Variants in PAQR3 observed in about 807,000 individuals in gnomAD.
The protein encoded by PAQR3 is Raf kinase trapping to Golgi.
PAQR3 carries 39 observed loss-of-function variants against 41.7 expected under a neutral mutation model. The ratio of observed to expected loss-of-function variants is 0.93; its 90% CI spans 0.72 to 1.22. PAQR3 has a LOEUF of 1.22. PAQR3 is among the 50% of genes most tolerant of loss of function. PAQR3 has a pLI of 0.00. For synonymous variants in PAQR3, 140 were observed against 140.6 expected, an observed-to-expected ratio of 1.00 and a Z score of 0.03; for missense variants, 366 against 385.6, an observed-to-expected ratio of 0.95 and a Z score of 0.42.
At chr4:78,938,417 C>T (rs1156850707) in intron 1 of PAQR3, among the ~76,000 whole-genome samples, 2 of 151,918 alleles carry the variant, frequency 1.3e-5, no homozygotes, top group Non-Finnish European at 2.9e-5. Flanking sequence ...GACTGGGTGC[C>T]CGTTATGAGC....
At chr4:78,891,067 A>G (rs191129240) in intron 11 of PAQR3, among the ~76,000 whole-genome samples, 265 of 152,270 alleles carry the variant, frequency 1.7e-3, no homozygotes, top group Admixed American at 3.3e-3. Context: ...TTTGCTGCCT[A>G]AAAGTTTGTA....
intron 1 of PAQR3, among the ~76,000 whole-genome samples, chr4:78,936,413 GA>G (rs1317901096): frequency 6.6e-6 from 1 of 152,118 alleles, no homozygotes; most frequent in African/African-American, 2.4e-5. Context: ...ACAAGAAATG[GA>G]ATTTCCTATT....
rs527826946 is a variant in PAQR3, at chr4:78,935,176, G to A, written c.293C>T (p.Ala98Val). 5.6e-6 allele frequency: 9 copies of A among 1,613,870 alleles called. No homozygotes were observed. The highest frequency in any genetic ancestry group is 1.3e-5 in the African/African-American group (1 of 75,036). The change falls in exon 2 of 6, where the codon GCA (alanine) becomes GTA (valine). Residue 98 changes from alanine (A) to valine (V), a missense_variant. Coordinates refer to ENST00000512733, the MANE Select transcript of PAQR3 (RefSeq NM_001040202.2). ...TACAAAATCTTCTCTGGACGCACTTGCTGAAGGTAACACAGATGTCATGTC... is the reference window on the plus strand; with the variant it reads ...TACAAAATCTTCTCTGGACGCACTTACTGAAGGTAACACAGATGTCATGTC... ...IYDMTSVLPS[A>V]SASREDFVIC...
At chr4:78,911,658 C>T (rs1385816736), downstream of PAQR3, 2 of 1,613,784 alleles carry the variant, frequency 1.2e-6, no homozygotes, top group Non-Finnish European at 1.7e-6. Flanking sequence ...AATTTTTAAC[C>T]ATCTCAGACT....
intron 11 of PAQR3, among the ~76,000 whole-genome samples, chr4:78,893,693 G>T (rs1321311121): frequency 6.6e-6 from 1 of 152,178 alleles, no homozygotes; most frequent in African/African-American, 2.4e-5. Context: ...ATCCCATGTA[G>T]CTGGGACTAT....
chr4:78,897,756 A>G (rs1002937436), intron 11 of PAQR3, among the ~76,000 whole-genome samples: 2 of 152,122 alleles, frequency 1.3e-5, no homozygotes, highest in African/African-American at 4.8e-5. Flanking sequence ...CCCAGCCGTG[A>G]TTAATATGGG....
At chr4:78,927,251 G>T (rs1736336894) in intron 3 of PAQR3, among the ~76,000 whole-genome samples, 1 of 152,168 alleles carries the variant, frequency 6.6e-6, no homozygotes. Flanking sequence ...GCAGCAGGAA[G>T]TTTTGAGAAA....
chr4:78,931,185 T>A (rs1578031308), intron 2 of PAQR3, among the ~76,000 whole-genome samples: 1 of 115,038 alleles, frequency 8.7e-6, no homozygotes, highest in Non-Finnish European at 1.7e-5. Context: ...CCTCATTTCT[T>A]AAAAAAAAAA....
At position 78,913,831 on chromosome 4, in the gene PAQR3, T is replaced by A. The variant is rs1167039214; in HGVS notation, c.*6708A>T. 6.6e-6 allele frequency: 1 copy of A among 152,032 alleles called. No homozygotes were observed. The highest frequency in any genetic ancestry group is 1.5e-5 in the Non-Finnish European group (1 of 67,962). The allele number at this position is 152,032 out of a possible 1,614,324, so 9.4% of individuals were successfully genotyped here. The stretch of plus-strand genomic sequence containing the variant: ...CAATGTAGCAGAGGCAGACCAAGCA[T>A]TACATTATTATTTAGAGCTGGACTG... On this transcript the variant is annotated 3_prime_UTR_variant, in exon 6 of 6. Coordinates refer to ENST00000512733, the MANE Select transcript of PAQR3 (RefSeq NM_001040202.2).
exon 13 of PAQR3, chr4:78,887,300 A>G (rs1446199089): frequency 6.5e-7 from 1 of 1,533,772 alleles, no homozygotes; most frequent in Admixed American, 1.8e-5. Flanking sequence ...TTACACATGT[A>G]ACATCATCAC....
chr4:78,891,624 T>G (rs1037591550), intron 11 of PAQR3, among the ~76,000 whole-genome samples: 4 of 152,232 alleles, frequency 2.6e-5, no homozygotes, highest in African/African-American at 4.8e-5. Flanking sequence ...TTACAGACAT[T>G]ATTTCTGATT....
chr4:78,894,896 A>G (rs1733625075), intron 11 of PAQR3, among the ~76,000 whole-genome samples: 1 of 152,146 alleles, frequency 6.6e-6, no homozygotes, highest in South Asian at 2.1e-4. Context: ...CCTAATTTCA[A>G]TATTGTTGTG....
chr4:78,935,028 A>G (rs1737279795), intron 2 of PAQR3, 93 bp downstream of exon 2: 2 of 1,204,396 alleles, frequency 1.7e-6, no homozygotes, highest in Admixed American at 4.4e-5. Context: ...GGGCTCTTTA[A>G]AGCAAGTGGT....
rs751184246 is a variant in PAQR3 at position 78,912,070 on chromosome 4, C to CA, written c.*8468dup. 6 of 1,521,144 alleles carry CA rather than the reference C, an allele frequency of 3.9e-6. 1 individual carries two copies. The highest frequency in any genetic ancestry group is 4.1e-5 in the Admixed American group (2 of 48,566). 94.2% of individuals were successfully genotyped at this position (1,521,144 alleles called of 1,614,324 possible). ...GGATTCTCGGCATTAACTCCTGTTT[C>CA]AAAAAAGTGTGAACAGTTTTATGAA... On this transcript the variant is annotated 3_prime_UTR_variant, in exon 6 of 6. Transcript: ENST00000512733.
intron 2 of PAQR3, chr4:78,933,254 C>A (rs758176102): frequency 3.6e-4 from 162 of 456,058 alleles, no homozygotes; most frequent in Non-Finnish European, 6.1e-4. Flanking sequence ...AGGACACATT[C>A]AACAAATATT....
intron 5 of PAQR3, chr4:78,921,891 G>A: frequency 2.0e-6 from 2 of 985,016 alleles, no homozygotes; most frequent in Non-Finnish European, 2.4e-6. Flanking sequence ...AATATGCTCT[G>A]CTACATAGGG....
intron 1 of PAQR3, 133 bp downstream of exon 1, chr4:78,938,907 A>G (rs1177623861): frequency 6.0e-6 from 5 of 828,854 alleles, no homozygotes; most frequent in Non-Finnish European, 9.3e-6. Flanking sequence ...GAGGCGGCAA[A>G]AAGGGATGAA....
intron 11 of PAQR3, among the ~76,000 whole-genome samples, chr4:78,903,631 A>C (rs1249233524): frequency 6.6e-6 from 1 of 151,934 alleles, no homozygotes; most frequent in Non-Finnish European, 1.5e-5. Context: ...TGTAAAGTTG[A>C]GTATTCTTTT....
intron 5 of PAQR3, among the ~76,000 whole-genome samples, chr4:78,923,326 A>G (rs1578013588): frequency 6.6e-6 from 1 of 151,322 alleles, no homozygotes; most frequent in East Asian, 1.9e-4. Context: ...ACTTCTTTTC[A>G]CTATCTTTTT....
Sources: allele counts gnomAD v4.1 joint callset (sites outside exome capture counted in the v4.1 genomes callset), GRCh38; gene constraint gnomAD v4.1.1; transcripts MANE v1.5; gene names NCBI Gene and HGNC (gene_info 2026-07-23, HGNC 2026-07-21).